DZIP3: variants seen among roughly 807,000 people sequenced by gnomAD.
DZIP3 encodes the protein E3 ubiquitin-protein ligase DZIP3.
DZIP3 carries 118 observed loss-of-function variants against 162.0 expected under a neutral mutation model. The observed-to-expected ratio is 0.73, with a 90% CI of 0.63 to 0.85. The LOEUF (loss-of-function observed/expected upper bound fraction) is 0.85. Among genes scored for constraint, DZIP3 ranks in the 40% least tolerant of loss-of-function variants. DZIP3 has a pLI of 0.00. For synonymous variants in DZIP3, 438 were observed against 458.6 expected, an observed-to-expected ratio of 0.96 and a Z score of 0.57; for missense variants, 1,331 against 1,407.0, an observed-to-expected ratio of 0.95 and a Z score of 0.86.
intron 7 of DZIP3, among the ~76,000 whole-genome samples, chr3:108,627,477 G>T (rs931190720): frequency 2.0e-5 from 3 of 152,102 alleles, no homozygotes; most frequent in Admixed American, 6.5e-5. Flanking sequence ...TTTTTATGTA[G>T]TAAGTCAATT....
chr3:108,637,688 A>G, intron 12 of DZIP3, 140 bp downstream of exon 12: 1 of 574,378 alleles, frequency 1.7e-6, no homozygotes, highest in Non-Finnish European at 2.9e-6. Context: ...TTTAATTGCC[A>G]TTTCTTTCCC....
At chr3:108,650,246 T>C (rs1942803471) in intron 17 of DZIP3, among the ~76,000 whole-genome samples, 1 of 151,844 alleles carries the variant, frequency 6.6e-6, no homozygotes, top group South Asian at 2.1e-4. Context: ...TCCATTATGC[T>C]AGATGTGTTT....
At chr3:108,618,758 T>A (rs1191390469) in intron 5 of DZIP3, among the ~76,000 whole-genome samples, 2 of 151,958 alleles carry the variant, frequency 1.3e-5, no homozygotes, top group Non-Finnish European at 2.9e-5. Context: ...TACAGTTAGA[T>A]CAGTATAAAC....
At chr3:108,633,102 TA>T in intron 9 of DZIP3, 30 bp downstream of exon 9, 1 of 1,241,006 alleles carries the variant, frequency 8.1e-7, no homozygotes, top group Non-Finnish European at 1.0e-6. Context: ...ACAGTATTTT[TA>T]AAAAGTAATT....
chr3:108,662,701 G>C (rs1576439596), intron 21 of DZIP3, among the ~76,000 whole-genome samples: 1 of 152,054 alleles, frequency 6.6e-6, no homozygotes, highest in East Asian at 1.9e-4. Flanking sequence ...TTGTTTGTTT[G>C]ACTGGGAGAG....
chr3:108,667,711 G>C (rs902053721), intron 21 of DZIP3, among the ~76,000 whole-genome samples: 7 of 152,018 alleles, frequency 4.6e-5, no homozygotes, highest in African/African-American at 1.7e-4. Flanking sequence ...CAATTATCTT[G>C]AAATAAAAAG....
At position 108,681,247 on chromosome 3, in the gene DZIP3, A is replaced by G. The variant is rs561394000; in HGVS notation, c.2884-2969A>G. Among the ~76,000 whole-genome samples the G allele has an allele frequency of 2.6e-5, 4 of 152,278 alleles. No homozygotes were observed. The South Asian group carries it at 6.2e-4, about 24-fold the overall frequency. Reference sequence around the variant, plus strand: ...TAAACAAATTTACAGGAAAAAAACAACCCCATCAAAAAGTGGGCAAAGGAT... The same window carrying G: ...TAAACAAATTTACAGGAAAAAAACAGCCCCATCAAAAAGTGGGCAAAGGAT... On this transcript the variant is annotated intron_variant, in intron 26 of 32. Transcript: ENST00000361582.
At position 108,624,482 on chromosome 3, in the gene DZIP3, G is replaced by GT; in HGVS notation, c.419dup (p.Leu140PhefsTer8). 6.3e-7 allele frequency: 1 copy of GT among 1,597,140 alleles called. No individual in the cohort carries two copies. The highest frequency in any genetic ancestry group is 8.6e-7 in the Non-Finnish European group (1 of 1,168,918). ...ATATTGGTTATTATTTGACATTACT[G>GT]TTTTTATATGGAGTAGCACTCACTG... On this transcript the variant is annotated frameshift_variant, in exon 6 of 33. Transcript: ENST00000361582. LOFTEE classifies it high-confidence loss of function.
chr3:108,618,188 G>A (rs1188023860), intron 5 of DZIP3, among the ~76,000 whole-genome samples: 3 of 152,140 alleles, frequency 2.0e-5, no homozygotes, highest in Non-Finnish European at 4.4e-5. Flanking sequence ...AAGGACAGGG[G>A]CTTTAGGTTA....
intron 1 of DZIP3, among the ~76,000 whole-genome samples, chr3:108,594,442 C>CAT (rs1290478635): frequency 3.0e-5 from 4 of 132,374 alleles, no homozygotes; most frequent in East Asian, 2.7e-4. Context: ...GCTCCCCCCC[C>CAT]ATATATATAT....
rs557707076 is a variant in DZIP3 at position 108,591,426 on chromosome 3, C to T, written c.-73+1587C>T. Reference sequence around the variant, plus strand: ...TTCATCTGTGATGATGTGTCAGCATCGTCCCCATTCAGAGGCCCAGGGTAA... The same window carrying T: ...TTCATCTGTGATGATGTGTCAGCATTGTCCCCATTCAGAGGCCCAGGGTAA... On this transcript the variant is annotated intron_variant, in intron 1 of 32. Transcript: ENST00000361582. Among the ~76,000 whole-genome samples the T allele has an allele frequency of 7.7e-4, 117 of 152,352 alleles. 1 individual carries two copies. The Middle Eastern group carries it at 0.02, about 27-fold the overall frequency.
At chr3:108,613,517 A>AT (rs1170657123) in intron 4 of DZIP3, among the ~76,000 whole-genome samples, 2 of 152,178 alleles carry the variant, frequency 1.3e-5, no homozygotes, top group Non-Finnish European at 2.9e-5. Flanking sequence ...TGATAAGATG[A>AT]TAAAAATAGA....
intron 4 of DZIP3, among the ~76,000 whole-genome samples, chr3:108,616,118 G>A (rs897760316): frequency 1.3e-5 from 2 of 152,050 alleles, no homozygotes; most frequent in Non-Finnish European, 2.9e-5. Flanking sequence ...CAAAAAATTA[G>A]CCAGGTGTGG....
intron 8 of DZIP3, among the ~76,000 whole-genome samples, chr3:108,631,039 A>ACTCT: frequency 1.1e-5 from 1 of 94,774 alleles, no homozygotes; most frequent in African/African-American, 4.7e-5. Flanking sequence ...ACACACACAC[A>ACTCT]CACACACACA....
rs746942385 is a variant in DZIP3, at chr3:108,648,925, G to A, written c.1970G>A (p.Ser657Asn). The A allele has an allele frequency of 7.7e-6, 9 of 1,168,180 alleles. No individual in the cohort carries two copies. Among genetic ancestry groups the A allele is most frequent in the Non-Finnish European group, 1.0e-5 (9 of 882,666 alleles). The allele number at this position is 1,168,180 out of a possible 1,614,324, so 72.4% of individuals were successfully genotyped here. ...TAATTTTTTACCTACTAGGTTAAGA[G>A]TAAACAAAGGAAAAAGAAGAAGACT... is the stretch of plus-strand genomic sequence containing the variant. ...ESLKDLQEVK[S>N]KQRKKKKTKN... Residue 657 changes from serine (S) to asparagine (N), a missense_variant, in exon 17 of 33, where the codon AGT becomes AAT. By Grantham distance (46) the Ser-to-Asn change is conservative. This residue lies in a region of DZIP3 where 1,278 missense variants were observed against 1,317.1 expected (regional missense o/e 0.97). Transcript: ENST00000361582.
intron 23 of DZIP3, among the ~76,000 whole-genome samples, chr3:108,673,453 A>G (rs575749397): frequency 6.6e-6 from 1 of 151,292 alleles, no homozygotes; most frequent in South Asian, 2.1e-4. Flanking sequence ...TTGTGCTTCT[A>G]TTATTAATTT....
intron 22 of DZIP3, among the ~76,000 whole-genome samples, chr3:108,670,047 G>C (rs764067471): frequency 6.6e-5 from 10 of 151,948 alleles, no homozygotes; most frequent in Admixed American, 5.9e-4. Context: ...AGTTACCCCA[G>C]TCAGTACTAT....
In DZIP3 at chr3:108,675,780, C is replaced by T; in HGVS notation, c.2694-6C>T. The T allele has an allele frequency of 1.9e-6, 3 of 1,591,748 alleles. No homozygotes were observed. The highest frequency in any genetic ancestry group is 2.6e-6 in the Non-Finnish European group (3 of 1,173,088). On this transcript the variant is annotated splice_polypyrimidine_tract_variant and splice_region_variant and intron_variant, in intron 24 of 32. Coordinates refer to ENST00000361582, the MANE Select transcript of DZIP3 (RefSeq NM_014648.4). ...GTTTTCTTTTGTGTCTCCTTTTCTA[C>T]AACAGCAACCTAGAATCACTTCAAT...
intron 6 of DZIP3, among the ~76,000 whole-genome samples, chr3:108,624,891 T>G (rs2107565455): frequency 6.6e-6 from 1 of 152,048 alleles, no homozygotes; most frequent in Admixed American, 6.6e-5. Context: ...TAACATTTCC[T>G]TTTTTTTCTG....
Sources: gnomAD v4.1 joint callset for allele counts (sites outside exome capture counted in the v4.1 genomes callset) on GRCh38, gnomAD v4.1.1 for gene constraint, gnomAD v4.1.1 regional missense constraint, MANE v1.5 for transcripts, NCBI Gene and HGNC (gene_info 2026-07-23, HGNC 2026-07-21) for gene names.